Variants in WWOX observed in about 807,000 individuals in gnomAD.
The protein encoded by WWOX is WW domain containing oxidoreductase, also known as WW domain-containing oxidoreductase.
In WWOX, 69 loss-of-function variants were observed where a neutral mutation model predicts 46.2. That is an observed-to-expected ratio of 1.49 (90% CI 1.23 to 1.82). The LOEUF is 1.82. Ranked by LOEUF, WWOX falls within the 40% of genes most tolerant of loss-of-function variation. The pLI is 0.00. For synonymous variants in WWOX, 359 were observed against 202.6 expected, an observed-to-expected ratio of 1.77 and a Z score of -6.56; for missense variants, 919 against 542.6, an observed-to-expected ratio of 1.69 and a Z score of -6.89.
At chr16:78,601,647 A>G (rs998202442) in intron 8 of WWOX, among the ~76,000 whole-genome samples, 1 of 152,244 alleles carries the variant, frequency 6.6e-6, no homozygotes, top group Non-Finnish European at 1.5e-5. Flanking sequence ...TATGAATACC[A>G]TAATAAGAAT....
intron 8 of WWOX, among the ~76,000 whole-genome samples, chr16:78,831,193 C>G (rs186965596): frequency 0.014 from 2,049 of 151,586 alleles, 14 homozygotes; most frequent in Non-Finnish European, 0.021. Flanking sequence ...TGTCTGAGCA[C>G]CATCTCTGTG....
rs1405236548 is a variant in WWOX, at chr16:78,422,760, CAT to C, written c.606-2102_606-2101del. On this transcript the variant is annotated intron_variant, in intron 6 of 8. Coordinates refer to ENST00000566780, the MANE Select transcript of WWOX (RefSeq NM_016373.4). ...ACACATATATATACACATATATACA[CAT>C]ATATATACACACATATATATATACA... is the stretch of plus-strand genomic sequence containing the variant. 2.4e-4 allele frequency among the ~76,000 whole-genome samples: 27 copies of C among 113,908 alleles called. 2 individuals carry two copies. Among genetic ancestry groups the C allele is most frequent in the South Asian group, 8.3e-4 (3 of 3,598 alleles). 74.7% of individuals were successfully genotyped at this position (113,908 alleles called of 152,430 possible).
intron 8 of WWOX, chr16:78,899,328 G>A (rs1442514432): frequency 6.6e-6 from 1 of 152,108 alleles, no homozygotes; most frequent in African/African-American, 2.4e-5. Context: ...GCATATTAGA[G>A]GGAGTTTAGC....
rs900883219 is a variant in WWOX at position 78,600,043 on chromosome 16, C to T, written c.1056+167291C>T. On this transcript the variant is annotated intron_variant, in intron 8 of 8. Coordinates refer to ENST00000566780, the MANE Select transcript of WWOX (RefSeq NM_016373.4). Reference sequence around the variant, plus strand: ...GAGGCCTCACAACCATGGTGGAAGGCAAGGAGGAGCAAAGTCATATCTTAC... The same window carrying T: ...GAGGCCTCACAACCATGGTGGAAGGTAAGGAGGAGCAAAGTCATATCTTAC... 5.9e-5 allele frequency among the ~76,000 whole-genome samples: 9 copies of T among 152,058 alleles called. 1 individual carries two copies. Among genetic ancestry groups the T allele is most frequent in the Non-Finnish European group, 1.0e-4 (7 of 68,014 alleles).
chr16:78,729,058 T>A (rs1336372178), intron 8 of WWOX, among the ~76,000 whole-genome samples: 2 of 152,066 alleles, frequency 1.3e-5, no homozygotes, highest in Non-Finnish European at 2.9e-5. Context: ...CCTAAAGACA[T>A]CCTGCTGGTT....
intron 8 of WWOX, among the ~76,000 whole-genome samples, chr16:78,760,411 C>T (rs1424467444): frequency 6.6e-6 from 1 of 152,162 alleles, no homozygotes; most frequent in Non-Finnish European, 1.5e-5. Flanking sequence ...TATCAAGGTC[C>T]TTAACTTAAT....
chr16:78,382,670 G>C (rs1043078076), intron 5 of WWOX, among the ~76,000 whole-genome samples: 1 of 152,150 alleles, frequency 6.6e-6, no homozygotes, highest in Non-Finnish European at 1.5e-5. Flanking sequence ...TGTTCTAGAT[G>C]GCATGTGCTA....
chr16:78,678,353 G>A (rs1262709270), intron 8 of WWOX, among the ~76,000 whole-genome samples: 2 of 152,174 alleles, frequency 1.3e-5, no homozygotes, highest in African/African-American at 4.8e-5. Context: ...TTCAGCCTGG[G>A]CAACAGAGCG....
chr16:79,088,609 C>G (rs983111136), intron 8 of WWOX, among the ~76,000 whole-genome samples: 5 of 152,210 alleles, frequency 3.3e-5, no homozygotes, highest in Non-Finnish European at 7.3e-5. Flanking sequence ...TCTAGACTCA[C>G]TCCATGGAGA....
At chr16:78,880,140 T>G (rs1282312601) in intron 8 of WWOX, among the ~76,000 whole-genome samples, 2 of 152,332 alleles carry the variant, frequency 1.3e-5, no homozygotes, top group South Asian at 2.1e-4. Flanking sequence ...ATTTGGTGGT[T>G]TATTTCAGAG....
chr16:78,914,126 C>T (rs1255118632), intron 8 of WWOX, among the ~76,000 whole-genome samples: 1 of 152,076 alleles, frequency 6.6e-6, no homozygotes, highest in South Asian at 2.1e-4. Flanking sequence ...GGAGTCTTTC[C>T]TGGCTATCCT....
intron 8 of WWOX, among the ~76,000 whole-genome samples, chr16:78,594,070 A>G (rs1034806345): frequency 6.6e-6 from 1 of 152,126 alleles, no homozygotes; most frequent in Non-Finnish European, 1.5e-5. Flanking sequence ...GATCACGTTT[A>G]TAAAGTCTGC....
chr16:78,472,748 G>A (rs1456711984), intron 8 of WWOX, among the ~76,000 whole-genome samples: 1 of 144,766 alleles, frequency 6.9e-6, no homozygotes, highest in African/African-American at 2.5e-5. Flanking sequence ...AGTGGAGGTT[G>A]CAGTGAGCCG....
intron 8 of WWOX, chr16:78,890,427 C>T (rs1282312962): frequency 6.6e-6 from 1 of 152,306 alleles, no homozygotes; most frequent in South Asian, 2.1e-4. Context: ...CCCTCCCACC[C>T]TATCTGGGCC....
intron 5 of WWOX, among the ~76,000 whole-genome samples, chr16:78,357,616 A>AT (rs2081324802): frequency 6.6e-6 from 1 of 152,194 alleles, no homozygotes; most frequent in Non-Finnish European, 1.5e-5. Context: ...TTTCCATATC[A>AT]TTAATGTTCA....
At chr16:78,837,555 T>A (rs1567594864) in intron 8 of WWOX, among the ~76,000 whole-genome samples, 1 of 152,172 alleles carries the variant, frequency 6.6e-6, no homozygotes, top group Non-Finnish European at 1.5e-5. Context: ...TTTATTATTA[T>A]TTTTTATTTT....
intron 8 of WWOX, among the ~76,000 whole-genome samples, chr16:78,747,455 A>C (rs2049375475): frequency 1.3e-5 from 2 of 152,274 alleles, no homozygotes; most frequent in Non-Finnish European, 2.9e-5. Context: ...AATACCCATC[A>C]TTTATGAAGT....
At chr16:78,532,925 A>C (rs1040815725) in intron 8 of WWOX, among the ~76,000 whole-genome samples, 1 of 152,186 alleles carries the variant, frequency 6.6e-6, no homozygotes, top group Non-Finnish European at 1.5e-5. Flanking sequence ...GCAGCCTTAA[A>C]GGAAACCACC....
At chr16:78,783,000 A>G (rs1169392376) in intron 8 of WWOX, among the ~76,000 whole-genome samples, 1 of 152,210 alleles carries the variant, frequency 6.6e-6, no homozygotes, top group Non-Finnish European at 1.5e-5. Context: ...TTTGAATTAC[A>G]ATACTGAATC....
Sources: gnomAD v4.1 joint callset for allele counts (sites outside exome capture counted in the v4.1 genomes callset) on GRCh38, gnomAD v4.1.1 for gene constraint, MANE v1.5 for transcripts, NCBI Gene and HGNC (gene_info 2026-07-23, HGNC 2026-07-21) for gene names.